Variants in KCNN1 observed in about 807,000 individuals in gnomAD.
KCNN1 encodes small conductance calcium-activated potassium channel protein 1.
A neutral mutation model predicts 44.7 loss-of-function variants in KCNN1; 20 were observed. That is an observed-to-expected ratio of 0.45 (90% confidence interval 0.32 to 0.65). KCNN1 has a LOEUF of 0.65. Ranked by LOEUF, KCNN1 falls within the 30% of genes least tolerant of loss-of-function variation. The pLI is 0.05. For missense variants in KCNN1, 632 were observed against 785.3 expected, an observed-to-expected ratio of 0.80 and a Z score of 2.33; for synonymous variants, 324 against 341.7, an observed-to-expected ratio of 0.95 and a Z score of 0.57.
chr19:17,962,987 C>T (rs2031716746), upstream of KCNN1, among the ~76,000 whole-genome samples: 1 of 146,788 alleles, frequency 6.8e-6, no homozygotes, highest in Admixed American at 6.9e-5. Flanking sequence ...AGGCGTGAGC[C>T]ACCACGCCCA....
At chr19:17,952,022 CTG>C (rs2031422405) in intron 1 of KCNN1, among the ~76,000 whole-genome samples, 3 of 152,214 alleles carry the variant, frequency 2.0e-5, no homozygotes, top group African/African-American at 4.8e-5. Flanking sequence ...CTAAGATTTG[CTG>C]TCACGCCCCT....
At chr19:17,963,145 T>C (rs111745391), upstream of KCNN1, among the ~76,000 whole-genome samples, 16 of 150,944 alleles carry the variant, frequency 1.1e-4, 2 homozygotes, top group African/African-American at 3.9e-4. Context: ...GTAGTTGGGA[T>C]TACAGGCGCC....
upstream of KCNN1, among the ~76,000 whole-genome samples, chr19:17,966,974 G>A (rs1173853134): frequency 1.3e-5 from 2 of 151,828 alleles, no homozygotes; most frequent in African/African-American, 4.8e-5. Flanking sequence ...GGGGGTTGCA[G>A]GGGGCGCCGG....
chr19:17,994,787 A>AC (rs113144989), intron 9 of KCNN1, among the ~76,000 whole-genome samples: 160 of 151,752 alleles, frequency 1.1e-3, no homozygotes, highest in African/African-American at 3.0e-3. Flanking sequence ...TAAGTGATCC[A>AC]CCCCCCTCAG....
intron 5 of KCNN1, among the ~76,000 whole-genome samples, chr19:17,986,172 TG>T (rs1350398879): frequency 6.6e-6 from 1 of 151,704 alleles, no homozygotes; most frequent in Non-Finnish European, 1.5e-5. Context: ...AAGACCAGCC[TG>T]GCCAACGTGG....
intron 1 of KCNN1, among the ~76,000 whole-genome samples, chr19:17,953,879 A>G (rs899802839): frequency 6.6e-6 from 1 of 152,196 alleles, no homozygotes; most frequent in Non-Finnish European, 1.5e-5. Context: ...GCAGTGAGCC[A>G]TGTTCATGCG....
At chr19:17,991,549 A>G (rs2032798665) in intron 7 of KCNN1, among the ~76,000 whole-genome samples, 1 of 151,828 alleles carries the variant, frequency 6.6e-6, no homozygotes, top group South Asian at 2.1e-4. Flanking sequence ...CCTGGCCAAC[A>G]TGGCGAAACC....
At chr19:17,962,707 G>T (rs1466254422), upstream of KCNN1, among the ~76,000 whole-genome samples, 2 of 145,588 alleles carry the variant, frequency 1.4e-5, no homozygotes, top group African/African-American at 2.5e-5. Flanking sequence ...TCCAGATCTT[G>T]TTTTTTTTTT....
chr19:17,956,884 TA>T (rs919247873), intron 2 of KCNN1, among the ~76,000 whole-genome samples: 48 of 151,626 alleles, frequency 3.2e-4, no homozygotes, highest in African/African-American at 1.1e-3. Flanking sequence ...CCGTCTCTAC[TA>T]AATACAAAAA....
rs181421179 is a variant in KCNN1 at position 17,970,020 on chromosome 19, T to C, written c.-82+2703T>C. On this transcript the variant is annotated intron_variant, in intron 1 of 9. Transcript: ENST00000684775. The stretch of plus-strand genomic sequence containing the variant: ...CAGGGCCAAGGTCAGCCTCATAAAC[T>C]GTCAAATGCTGGGCCCACAAGGCCA... 7.2e-5 allele frequency among the ~76,000 whole-genome samples: 11 copies of C among 152,332 alleles called. No homozygotes were observed. In the East Asian group the frequency reaches 1.9e-3, roughly 27 times the overall value.
intron 4 of KCNN1, among the ~76,000 whole-genome samples, chr19:17,984,353 C>A (rs1333669930): frequency 6.6e-6 from 1 of 152,172 alleles, no homozygotes; most frequent in East Asian, 1.9e-4. Flanking sequence ...CTGTGTCACC[C>A]ACTGTGCCTG....
upstream of KCNN1, among the ~76,000 whole-genome samples, chr19:17,963,868 G>A (rs937426538): frequency 2.6e-5 from 4 of 152,198 alleles, no homozygotes; most frequent in East Asian, 1.9e-4. Flanking sequence ...CTGGGACTAC[G>A]GGCACATGGC....
At chr19:17,997,277 C>T (rs2033030891) in intron 9 of KCNN1, among the ~76,000 whole-genome samples, 1 of 152,148 alleles carries the variant, frequency 6.6e-6, no homozygotes, top group South Asian at 2.1e-4. Flanking sequence ...AACAGGGTCC[C>T]CCCTCCTCTT....
rs762615370 is a variant in KCNN1, at chr19:17,974,112, A to T, written c.224A>T (p.Asp75Val). 6.2e-7 allele frequency: 1 copy of T among 1,612,582 alleles called. No individual in the cohort carries two copies. The highest frequency in any genetic ancestry group is 1.1e-5 in the South Asian group (1 of 91,088). Residue 75 changes from aspartate (D) to valine (V), a missense_variant, in exon 2 of 10, where the codon GAT becomes GTT. By Grantham distance (152) the Asp-to-Val change is radical (BLOSUM62 -3). Coordinates refer to ENST00000684775, the MANE Select transcript of KCNN1 (RefSeq NM_001386974.1). This position sits in a 1 kb window ranked among gnomAD's most constrained non-coding sequence, Gnocchi z 7.3. ...GACGATGACGAGGATGATGAGGAAG[A>T]TGAGGCCGGCAGGCAGAGAGCCTCG... ...DQDDDEDDEE[D>V]EAGRQRASGK...
upstream of KCNN1, among the ~76,000 whole-genome samples, chr19:17,965,620 G>A (rs1316059597): frequency 2.6e-5 from 4 of 152,064 alleles, no homozygotes; most frequent in African/African-American, 9.7e-5. Context: ...CAAGAGGGGT[G>A]GCTGGTTCTC....
At chr19:17,994,193 C>T (rs1599381049) in intron 9 of KCNN1, among the ~76,000 whole-genome samples, 1 of 151,824 alleles carries the variant, frequency 6.6e-6, no homozygotes, top group Non-Finnish European at 1.5e-5. Flanking sequence ...GCCTATAATC[C>T]CTGTACTTTG....
upstream of KCNN1, among the ~76,000 whole-genome samples, chr19:17,966,464 C>A (rs1276551380): frequency 1.3e-5 from 2 of 152,184 alleles, no homozygotes; most frequent in Admixed American, 6.5e-5. Flanking sequence ...GTTTTGGGGA[C>A]CCCCAGCCCT....
upstream of KCNN1, among the ~76,000 whole-genome samples, chr19:17,963,460 G>A (rs2031731112): frequency 6.6e-6 from 1 of 151,614 alleles, no homozygotes; most frequent in African/African-American, 2.4e-5. Context: ...GATTACAGTT[G>A]CCCACCAACA....
rs765108305 is a variant in KCNN1, at chr19:17,998,357, G to T, written c.1583G>T (p.Arg528Leu). 6.7e-7 allele frequency: 1 copy of T among 1,499,324 alleles called. No homozygotes were observed. The highest frequency in any genetic ancestry group is 1.2e-5 in the South Asian group (1 of 80,964). 92.9% of individuals were successfully genotyped at this position (1,499,324 alleles called of 1,614,324 possible). Residue 528 changes from arginine to leucine, a missense_variant, in exon 10 of 10, where the codon CGG (arginine) becomes CTG (leucine). Around this residue, in one of 3 missense-constraint regions of KCNN1, gnomAD observed 237 missense variants for 253.0 expected, o/e 0.94. Transcript: ENST00000684775. This position sits in a 1 kb window ranked among gnomAD's most constrained non-coding sequence, Gnocchi z 5.4. Reference protein sequence around the residue: ...PGPGPQDQAARSSPCRWTPVA... With the variant: ...PGPGPQDQAALSSPCRWTPVA... ...CCCGGCCCCCAAGACCAGGCAGCCC[G>T]GAGCTCCCCCTGCCGGTGGACGCCC...
Sources: allele counts gnomAD v4.1 joint callset (sites outside exome capture counted in the v4.1 genomes callset), GRCh38; gene constraint gnomAD v4.1.1; regional missense constraint gnomAD v4.1.1; non-coding constraint Gnocchi (gnomAD v3.1); transcripts MANE v1.5; gene names NCBI Gene and HGNC (gene_info 2026-07-23, HGNC 2026-07-21).